NTRK2: variants seen among roughly 807,000 people sequenced by gnomAD.
The protein encoded by NTRK2 is BDNF/NT-3 growth factors receptor.
In NTRK2, 13 loss-of-function variants were observed where a neutral mutation model predicts 94.5. The observed-to-expected ratio is 0.14, with a 90% confidence interval of 0.09 to 0.22. The LOEUF (loss-of-function observed/expected upper bound fraction) is 0.22. Ranked by LOEUF, NTRK2 falls within the 10% of genes least tolerant of loss-of-function variation. NTRK2 has a pLI of 1.00. For synonymous variants in NTRK2, 372 were observed against 407.4 expected (o/e 0.91, Z 1.05); for missense variants, 639 against 1,071.2 (o/e 0.60, Z 5.63).
At chr9:84,912,450 T>C (rs987793958) in intron 14 of NTRK2, among the ~76,000 whole-genome samples, 9 of 152,074 alleles carry the variant, frequency 5.9e-5, no homozygotes, top group African/African-American at 2.2e-4. Flanking sequence ...TTATGTCTTT[T>C]TGGTGAATTG....
intron 14 of NTRK2, among the ~76,000 whole-genome samples, chr9:84,887,141 AAG>A (rs2076441029): frequency 1.3e-5 from 2 of 152,182 alleles, no homozygotes; most frequent in Admixed American, 1.3e-4. Flanking sequence ...TCCGAAAAAA[AAG>A]AAATCAATGA....
intron 16 of NTRK2, among the ~76,000 whole-genome samples, chr9:84,954,952 AAGTGCCTGAACCCAGCAC>A: frequency 6.6e-6 from 1 of 152,298 alleles, no homozygotes; most frequent in South Asian, 2.1e-4. Flanking sequence ...GGGCCCTGGT[AAGTGCCTGAACCCAGCAC>A]AGTGCCAGAG....
In NTRK2 at chr9:84,966,709, G is replaced by A. The variant is rs1247370540; in HGVS notation, c.2172+11192G>A. Among the ~76,000 whole-genome samples the A allele has an allele frequency of 3.3e-5, 5 of 152,278 alleles. No individual in the cohort carries two copies. The East Asian group carries it at 7.7e-4, about 23-fold the overall frequency. On this transcript the variant is annotated intron_variant, in intron 17 of 18. Coordinates refer to ENST00000277120, the MANE Select transcript of NTRK2 (RefSeq NM_006180.6). ...GCCTCCCAAAGTGCTGGGATTACAG[G>A]TGTAAGCCACTGCGCCCAGCCAGTG...
intron 14 of NTRK2, chr9:84,874,970 G>T (rs2076010823): frequency 9.5e-7 from 1 of 1,054,702 alleles, no homozygotes; most frequent in East Asian, 5.3e-5. Context: ...CCCTAAAATG[G>T]GTATTTTAAA....
At chr9:84,910,786 A>G (rs1336675002) in intron 14 of NTRK2, among the ~76,000 whole-genome samples, 1 of 152,212 alleles carries the variant, frequency 6.6e-6, no homozygotes, top group Non-Finnish European at 1.5e-5. Flanking sequence ...TTGTAGCTAT[A>G]TAAGCTTTAA....
chr9:84,996,616 A>C, intron 17 of NTRK2, among the ~76,000 whole-genome samples: 1 of 152,220 alleles, frequency 6.6e-6, no homozygotes. Flanking sequence ...CCAGTGATGC[A>C]GTTGCTGGGG....
intron 13 of NTRK2, 58 bp from the exon 14 acceptor site, chr9:84,867,185 A>T (rs2075633357): frequency 1.9e-6 from 3 of 1,548,854 alleles, no homozygotes; most frequent in Non-Finnish European, 2.7e-6. Flanking sequence ...ATGTATGTGA[A>T]TTACAGCTCA....
chr9:84,834,857 AT>A (rs1198846714), intron 12 of NTRK2, among the ~76,000 whole-genome samples: 1 of 152,176 alleles, frequency 6.6e-6, no homozygotes, highest in Non-Finnish European at 1.5e-5. Flanking sequence ...AATTCTTAAT[AT>A]TTTATAAATG....
intron 12 of NTRK2, among the ~76,000 whole-genome samples, chr9:84,841,650 T>G (rs529423623): frequency 6.6e-6 from 1 of 152,278 alleles, no homozygotes. Flanking sequence ...TAACCATTGT[T>G]TTCAATTGCA....
chr9:84,723,769 A>G (rs1178194390), intron 7 of NTRK2, 60 bp downstream of exon 7: 2 of 1,601,892 alleles, frequency 1.2e-6, no homozygotes, highest in Non-Finnish European at 1.7e-6. Flanking sequence ...GAATGCGAGA[A>G]TGTATTAAAC....
intron 14 of NTRK2, among the ~76,000 whole-genome samples, chr9:84,896,227 C>T (rs1416788592): frequency 3.3e-5 from 5 of 152,202 alleles, no homozygotes; most frequent in Admixed American, 2.0e-4. Context: ...AGCATGCATG[C>T]ATTCATTGAG....
At chr9:84,931,813 A>T (rs1490425226) in intron 14 of NTRK2, among the ~76,000 whole-genome samples, 1 of 152,154 alleles carries the variant, frequency 6.6e-6, no homozygotes, top group Admixed American at 6.5e-5. Context: ...CCCAATGAAC[A>T]TGTGACAACC....
intron 14 of NTRK2, among the ~76,000 whole-genome samples, chr9:84,895,583 C>A (rs1045307130): frequency 6.6e-6 from 1 of 152,112 alleles, no homozygotes; most frequent in Non-Finnish European, 1.5e-5. Flanking sequence ...GGTTTTAAAC[C>A]GGTTCTTATT....
chr9:84,935,136 C>G (rs1028219620), intron 15 of NTRK2, among the ~76,000 whole-genome samples: 5 of 152,008 alleles, frequency 3.3e-5, no homozygotes, highest in African/African-American at 1.2e-4. Context: ...GAATTAAGCT[C>G]CAAATGAATA....
intron 4 of NTRK2, among the ~76,000 whole-genome samples, chr9:84,706,133 G>A (rs1037876311): frequency 6.6e-6 from 1 of 152,104 alleles, no homozygotes; most frequent in African/African-American, 2.4e-5. Flanking sequence ...AGACCTATGT[G>A]GGCACATTTT....
chr9:84,956,722 T>C (rs1824182054), intron 17 of NTRK2, among the ~76,000 whole-genome samples: 1 of 152,204 alleles, frequency 6.6e-6, no homozygotes, highest in Non-Finnish European at 1.5e-5. Flanking sequence ...TATTTCCTGT[T>C]CCCCTTCCTG....
chr9:84,871,783 T>C (rs754989341), intron 14 of NTRK2: 1 of 1,613,558 alleles, frequency 6.2e-7, no homozygotes, highest in Non-Finnish European at 8.5e-7. Context: ...GTCTACTTTA[T>C]TGCAGGGCCC....
rs1337557817 is a variant in NTRK2 at position 84,856,621 on chromosome 9, G to A, written c.1397-4419G>A. ...TCTCCCTGAAGCAAAGCAGCCCGGGGACTCCTCTTTCAAATGTCCTTTAGG... is the reference window on the plus strand; with the variant it reads ...TCTCCCTGAAGCAAAGCAGCCCGGGAACTCCTCTTTCAAATGTCCTTTAGG... On this transcript the variant is annotated intron_variant, in intron 12 of 18. Transcript: ENST00000277120. Among the ~76,000 whole-genome samples the A allele has an allele frequency of 6.6e-5, 10 of 152,274 alleles. No homozygotes were observed. The East Asian group carries it at 1.9e-3, about 29-fold the overall frequency.
chr9:84,942,397 G>C (rs1261403922), intron 15 of NTRK2, among the ~76,000 whole-genome samples: 1 of 152,188 alleles, frequency 6.6e-6, no homozygotes, highest in African/African-American at 2.4e-5. Context: ...TGTTCTAAAT[G>C]CGTGGTTAAT....
Sources: gnomAD v4.1 joint callset for allele counts (sites outside exome capture counted in the v4.1 genomes callset) on GRCh38, gnomAD v4.1.1 for gene constraint, MANE v1.5 for transcripts, NCBI Gene and HGNC (gene_info 2026-07-23, HGNC 2026-07-21) for gene names.